The following TBC1D19 variants were observed in gnomAD, a reference collection of about 807,000 sequenced individuals.
TBC1D19 encodes TBC1 domain family, member 19.
Under a neutral mutation model 89.0 loss-of-function variants are expected in TBC1D19, and 60 were observed. That is an observed-to-expected ratio of 0.67 (90% confidence interval 0.55 to 0.84). The LOEUF is 0.84. Among genes scored for constraint, TBC1D19 ranks in the 40% least tolerant of loss-of-function variants. The probability of loss-of-function intolerance (pLI) is 0.00; values close to 1 mark genes in which losing one functional copy is unlikely to be tolerated. For missense variants in TBC1D19, 500 were observed against 610.8 expected (o/e 0.82, Z 1.91); for synonymous variants, 189 against 199.7 (o/e 0.95, Z 0.45).
At chr4:26,858,341 G>A in the TBC1D19 span, 3 of 152,204 alleles carry the variant, frequency 2.0e-5, no homozygotes, top group African/African-American at 7.2e-5. Flanking sequence ...CTGGCTGTAG[G>A]AGTCGGGTAA....
At chr4:26,770,689 C>G in the TBC1D19 span, among the ~76,000 whole-genome samples, 1 of 152,028 alleles carries the variant, frequency 6.6e-6, no homozygotes, top group African/African-American at 2.4e-5. Context: ...GACAGAACTT[C>G]TATGAGTATA....
chr4:26,592,822 C>T (rs1231201158), intron 1 of TBC1D19, among the ~76,000 whole-genome samples: 2 of 152,058 alleles, frequency 1.3e-5, no homozygotes, highest in Non-Finnish European at 2.9e-5. Context: ...CAAACCACTG[C>T]TCAATGAAAT....
At chr4:26,764,992 C>CA in the TBC1D19 span, among the ~76,000 whole-genome samples, 1 of 151,772 alleles carries the variant, frequency 6.6e-6, no homozygotes, top group Non-Finnish European at 1.5e-5. Context: ...ATGAGGAAGT[C>CA]AAAAAACCAA....
chr4:26,793,279 G>A, the TBC1D19 span, among the ~76,000 whole-genome samples: 1 of 152,164 alleles, frequency 6.6e-6, no homozygotes, highest in South Asian at 2.1e-4. Context: ...GGTGGTCTGT[G>A]TCAGTCAAAA....
At position 26,673,769 on chromosome 4, in the gene TBC1D19, T is replaced by C. The variant is rs763313486; in HGVS notation, c.704-7T>C. 1.3e-6 allele frequency: 2 copies of C among 1,583,262 alleles called. No individual in the cohort carries two copies. The highest frequency in any genetic ancestry group is 8.7e-7 in the Non-Finnish European group (1 of 1,153,176). The stretch of plus-strand genomic sequence containing the variant: ...TTTCAAAGGAGATTTTCATATACTT[T>C]TGATAGTTCTAGCAGAACAAGATAG... On this transcript the variant is annotated splice_polypyrimidine_tract_variant and splice_region_variant and intron_variant, in intron 10 of 20. Transcript: ENST00000264866.
the TBC1D19 span, among the ~76,000 whole-genome samples, chr4:26,804,710 C>T: frequency 5.3e-5 from 8 of 152,158 alleles, no homozygotes; most frequent in African/African-American, 1.7e-4. Flanking sequence ...GCCAGGACTC[C>T]CTAGAGCTGC....
the TBC1D19 span, among the ~76,000 whole-genome samples, chr4:26,790,748 A>G: frequency 2.6e-5 from 4 of 152,332 alleles, no homozygotes; most frequent in African/African-American, 7.2e-5. Flanking sequence ...GTACTTTCCT[A>G]TGTTTCTTGA....
intron 15 of TBC1D19, among the ~76,000 whole-genome samples, chr4:26,725,202 A>G (rs1390411126): frequency 2.0e-5 from 3 of 152,196 alleles, no homozygotes; most frequent in Admixed American, 6.5e-5. Context: ...TTAAAATGCC[A>G]TATGCTCTCT....
Position 26,753,902 on chromosome 4 carries a change from T to C in TBC1D19, c.1506+12T>C, listed in dbSNP as rs770670585. 2.5e-6 allele frequency: 4 copies of C among 1,613,592 alleles called. No homozygotes were observed. The highest frequency in any genetic ancestry group is 3.4e-6 in the Non-Finnish European group (4 of 1,179,724). Reference sequence around the variant, plus strand: ...TGGCTGCAGCTGAAGTAAGGATAAGTTTCACTCAGATGGGATGGAAATAGT... The same window carrying C: ...TGGCTGCAGCTGAAGTAAGGATAAGCTTCACTCAGATGGGATGGAAATAGT... On this transcript the variant is annotated intron_variant, in intron 20 of 20. Coordinates refer to ENST00000264866, the MANE Select transcript of TBC1D19 (RefSeq NM_018317.4).
At chr4:26,629,503 T>G (rs2110056971) in intron 4 of TBC1D19, among the ~76,000 whole-genome samples, 1 of 152,142 alleles carries the variant, frequency 6.6e-6, no homozygotes, top group African/African-American at 2.4e-5. Context: ...AATAGATATT[T>G]TAAAAAAATT....
chr4:26,612,875 A>G (rs1344243547), intron 1 of TBC1D19, among the ~76,000 whole-genome samples: 1 of 152,130 alleles, frequency 6.6e-6, no homozygotes, highest in East Asian at 1.9e-4. Flanking sequence ...TATTTTTCCA[A>G]CTTGAGACCC....
intron 13 of TBC1D19, among the ~76,000 whole-genome samples, chr4:26,692,191 G>A (rs536724451): frequency 2.6e-5 from 4 of 152,000 alleles, no homozygotes; most frequent in South Asian, 2.1e-4. Context: ...TCTAGTTGAC[G>A]GTTACAATAT....
chr4:26,744,226 T>G (rs1055389812), intron 18 of TBC1D19, among the ~76,000 whole-genome samples: 1 of 151,746 alleles, frequency 6.6e-6, no homozygotes, highest in Non-Finnish European at 1.5e-5. Flanking sequence ...AGTGACATCA[T>G]CTTTGTCATT....
At chr4:26,592,778 C>T (rs1739907065) in intron 1 of TBC1D19, among the ~76,000 whole-genome samples, 2 of 151,166 alleles carry the variant, frequency 1.3e-5, no homozygotes, top group African/African-American at 2.5e-5. Flanking sequence ...ATCCAACTTA[C>T]AAGGGATGTG....
chr4:26,654,792 G>A (rs1744672628), intron 7 of TBC1D19, among the ~76,000 whole-genome samples: 1 of 152,028 alleles, frequency 6.6e-6, no homozygotes, highest in Admixed American at 6.6e-5. Flanking sequence ...CTTTTTTCAA[G>A]GTTTTTAACT....
chr4:26,729,729 C>T (rs943787021), intron 15 of TBC1D19, among the ~76,000 whole-genome samples: 9 of 152,058 alleles, frequency 5.9e-5, no homozygotes, highest in African/African-American at 1.7e-4. Context: ...GGTTGCAGGA[C>T]ATAATCATGA....
At chr4:26,843,989 G>A in the TBC1D19 span, among the ~76,000 whole-genome samples, 1 of 152,122 alleles carries the variant, frequency 6.6e-6, no homozygotes, top group Non-Finnish European at 1.5e-5. Context: ...TGAGGGACCC[G>A]GCCCCACGAT....
intron 1 of TBC1D19, among the ~76,000 whole-genome samples, chr4:26,594,043 A>G (rs907165396): frequency 2.6e-5 from 4 of 152,212 alleles, no homozygotes; most frequent in African/African-American, 9.7e-5. Flanking sequence ...ATGCACACGT[A>G]TGTTTATCGC....
intron 16 of TBC1D19, 125 bp downstream of exon 16, chr4:26,735,612 G>A: frequency 1.2e-6 from 1 of 822,620 alleles, no homozygotes. Context: ...AAAAAATAAA[G>A]TGAAATGCAT....
Sources: allele counts gnomAD v4.1 joint callset (sites outside exome capture counted in the v4.1 genomes callset), GRCh38; gene constraint gnomAD v4.1.1; transcripts MANE v1.5; gene names NCBI Gene and HGNC (gene_info 2026-07-23, HGNC 2026-07-21).